The following KCNQ5 variants were observed in gnomAD, a reference collection of about 807,000 sequenced individuals.
KCNQ5 encodes the protein potassium voltage-gated channel subfamily Q member 5.
In KCNQ5, 30 loss-of-function variants were observed where a neutral mutation model predicts 98.2. The ratio of observed to expected loss-of-function variants is 0.31; its 90% CI spans 0.23 to 0.41. The LOEUF (loss-of-function observed/expected upper bound fraction) is 0.41, where lower values mean the gene tolerates loss of function less well. KCNQ5 is among the 10% of genes least tolerant of loss of function. The pLI, the probability that KCNQ5 is intolerant of heterozygous loss-of-function variation, is 1.00. For synonymous variants in KCNQ5, 458 were observed against 449.4 expected (o/e 1.02, Z -0.24); for missense variants, 835 against 1,182.5 (o/e 0.71, Z 4.31).
chr6:72,960,171 GAAAGTGACC>G (rs1445877792), intron 1 of KCNQ5, among the ~76,000 whole-genome samples: 3 of 152,124 alleles, frequency 2.0e-5, no homozygotes, highest in African/African-American at 7.2e-5. Context: ...GTAAGGAGGA[GAAAGTGACC>G]AAATGATCCC....
chr6:72,699,692 C>T (rs1582134735), intron 1 of KCNQ5, among the ~76,000 whole-genome samples: 1 of 152,136 alleles, frequency 6.6e-6, no homozygotes, highest in East Asian at 1.9e-4. Flanking sequence ...AATACTTTAA[C>T]AACATAAATT....
intron 1 of KCNQ5, among the ~76,000 whole-genome samples, chr6:72,722,317 C>A (rs1001312554): frequency 2.0e-5 from 3 of 152,214 alleles, no homozygotes; most frequent in African/African-American, 7.2e-5. Context: ...CTTTCTCTTG[C>A]CTAAAAGCCG....
At chr6:73,157,984 A>G in intron 10 of KCNQ5, 1 of 753,924 alleles carries the variant, frequency 1.3e-6, no homozygotes, top group Non-Finnish European at 2.5e-6. Context: ...TACCCCTTGA[A>G]CGGCCGGAAG....
chr6:73,058,046 A>G (rs1178950378), intron 3 of KCNQ5, among the ~76,000 whole-genome samples: 1 of 152,226 alleles, frequency 6.6e-6, no homozygotes, highest in Non-Finnish European at 1.5e-5. Context: ...CCATATGCAG[A>G]AGATTGAAAT....
chr6:72,732,647 G>C (rs763464463), intron 1 of KCNQ5, among the ~76,000 whole-genome samples: 4 of 152,208 alleles, frequency 2.6e-5, no homozygotes, highest in Non-Finnish European at 4.4e-5. Flanking sequence ...TTATGCTTGA[G>C]TGCAGGAATC....
At chr6:72,679,243 A>G (rs1348383513) in intron 1 of KCNQ5, among the ~76,000 whole-genome samples, 2 of 152,176 alleles carry the variant, frequency 1.3e-5, no homozygotes, top group African/African-American at 2.4e-5. Context: ...AAAGGACTAT[A>G]AATCATGCTG....
intron 10 of KCNQ5, among the ~76,000 whole-genome samples, chr6:73,148,295 A>G (rs1161197985): frequency 6.6e-6 from 1 of 152,240 alleles, no homozygotes. Context: ...AGAGACATTC[A>G]TATCATAATT....
intron 1 of KCNQ5, among the ~76,000 whole-genome samples, chr6:72,647,715 C>A (rs1165660367): frequency 6.6e-6 from 1 of 152,158 alleles, no homozygotes; most frequent in Non-Finnish European, 1.5e-5. Context: ...CAAAACAGAT[C>A]ATTATGTATT....
intron 1 of KCNQ5, among the ~76,000 whole-genome samples, chr6:72,929,698 T>C (rs1454984044): frequency 2.6e-5 from 4 of 152,100 alleles, no homozygotes; most frequent in Admixed American, 1.3e-4. Context: ...AACTATTGGA[T>C]AGAAGAAAAT....
intron 5 of KCNQ5, among the ~76,000 whole-genome samples, chr6:73,091,973 G>A (rs1332944943): frequency 2.0e-5 from 3 of 151,844 alleles, no homozygotes; most frequent in African/African-American, 7.3e-5. Context: ...CATTGGATAT[G>A]TTTCCATTTG....
intron 1 of KCNQ5, among the ~76,000 whole-genome samples, chr6:72,762,219 G>C (rs964899531): frequency 6.6e-6 from 1 of 151,960 alleles, no homozygotes; most frequent in Non-Finnish European, 1.5e-5. Context: ...GAAAGGAAAG[G>C]GTATCACAGT....
intron 1 of KCNQ5, among the ~76,000 whole-genome samples, chr6:72,862,000 G>C (rs895006666): frequency 2.6e-5 from 4 of 151,900 alleles, no homozygotes; most frequent in African/African-American, 9.7e-5. Context: ...ATGACTTCCC[G>C]GCCCTACTAA....
intron 10 of KCNQ5, among the ~76,000 whole-genome samples, chr6:73,148,115 G>A (rs1053478787): frequency 6.6e-6 from 1 of 151,972 alleles, no homozygotes; most frequent in Non-Finnish European, 1.5e-5. Context: ...AGCAATTTTA[G>A]CAGTAGAGAC....
chr6:72,708,854 A>G (rs1397394836), intron 1 of KCNQ5, among the ~76,000 whole-genome samples: 1 of 152,132 alleles, frequency 6.6e-6, no homozygotes, highest in Non-Finnish European at 1.5e-5. Flanking sequence ...CCCTAGGTTG[A>G]AAAACAAATC....
intron 1 of KCNQ5, among the ~76,000 whole-genome samples, chr6:72,966,086 C>T (rs937968268): frequency 1.3e-5 from 2 of 152,130 alleles, no homozygotes; most frequent in Non-Finnish European, 2.9e-5. Context: ...AAGCCAAATA[C>T]AGAAGATAGC....
intron 1 of KCNQ5, among the ~76,000 whole-genome samples, chr6:72,796,994 T>C (rs1024400900): frequency 2.0e-5 from 3 of 152,176 alleles, no homozygotes; most frequent in Non-Finnish European, 2.9e-5. Flanking sequence ...TATTGCAACT[T>C]CTATGAACTC....
rs1776769613 is a variant in KCNQ5, at chr6:72,841,122, G to A, written c.399-162786G>A. On this transcript the variant is annotated intron_variant, in intron 1 of 13. Coordinates refer to ENST00000370398, the MANE Select transcript of KCNQ5 (RefSeq NM_019842.4). ...AATCTCACCTACTGCCTCAGTCACT[G>A]CCATGACTGCAAGCTAAATCCTACA... 3.9e-5 allele frequency among the ~76,000 whole-genome samples: 6 copies of A among 152,158 alleles called. No homozygotes were observed. In the South Asian group the frequency reaches 1.2e-3, roughly 32 times the overall value.
intron 3 of KCNQ5, among the ~76,000 whole-genome samples, chr6:73,046,287 T>C (rs760672257): frequency 6.6e-6 from 1 of 152,142 alleles, no homozygotes; most frequent in Non-Finnish European, 1.5e-5. Context: ...TAGTAGAAAT[T>C]ATATTATTTC....
chr6:72,662,554 C>T (rs1279764379), intron 1 of KCNQ5, among the ~76,000 whole-genome samples: 1 of 151,610 alleles, frequency 6.6e-6, no homozygotes, highest in Non-Finnish European at 1.5e-5. Flanking sequence ...TCACAAATAG[C>T]TAAACTAAAG....
Sources: gnomAD v4.1 joint callset for allele counts (sites outside exome capture counted in the v4.1 genomes callset) on GRCh38, gnomAD v4.1.1 for gene constraint, MANE v1.5 for transcripts, NCBI Gene and HGNC (gene_info 2026-07-23, HGNC 2026-07-21) for gene names.